Variants in PCDHA13 observed in about 807,000 individuals in gnomAD.
PCDHA13 encodes protocadherin alpha-13.
In PCDHA13, 54 loss-of-function variants were observed where a neutral mutation model predicts 64.8. The observed-to-expected ratio is 0.83, with a 90% CI of 0.67 to 1.04. The LOEUF (loss-of-function observed/expected upper bound fraction) is 1.04. PCDHA13 is among the 50% of genes least tolerant of loss of function. The pLI, the probability that PCDHA13 is intolerant of heterozygous loss-of-function variation, is 0.00. For synonymous variants in PCDHA13, 587 were observed against 564.4 expected (o/e 1.04, Z -0.57); for missense variants, 1,248 against 1,254.3 (o/e 0.99, Z 0.08).
intron 3 of PCDHA13, among the ~76,000 whole-genome samples, chr5:140,999,060 G>A (rs1199782818): frequency 1.3e-5 from 2 of 152,210 alleles, no homozygotes; most frequent in East Asian, 1.9e-4. Context: ...CCATGCCTAA[G>A]TAGTCTCCTT....
intron 1 of PCDHA13, chr5:140,929,343 A>G (rs1204297753): frequency 2.0e-6 from 3 of 1,531,032 alleles, no homozygotes; most frequent in Non-Finnish European, 2.6e-6. Context: ...AATTTTATGG[A>G]ATTTGATTCC....
intron 1 of PCDHA13, among the ~76,000 whole-genome samples, chr5:140,922,126 G>A (rs1206223275): frequency 1.3e-5 from 2 of 151,970 alleles, no homozygotes; most frequent in Non-Finnish European, 2.9e-5. Flanking sequence ...ACCTTTAAAT[G>A]TCTCTTATCC....
At chr5:140,967,056 G>C in intron 1 of PCDHA13, 1 of 1,612,712 alleles carries the variant, frequency 6.2e-7, no homozygotes, top group Non-Finnish European at 8.5e-7. Flanking sequence ...CTGACGAGTG[G>C]AGCGCTCTTC....
At chr5:140,983,272 G>A (rs2097037556) in intron 3 of PCDHA13, among the ~76,000 whole-genome samples, 1 of 152,176 alleles carries the variant, frequency 6.6e-6, no homozygotes, top group African/African-American at 2.4e-5. Context: ...TAATGGCTGG[G>A]TGAGTATAGG....
In PCDHA13 at chr5:140,935,562, C is replaced by T. The variant is rs180759633; in HGVS notation, c.2395-43387C>T. Among the ~76,000 whole-genome samples, 423 of 152,262 alleles carry T rather than the reference C, an allele frequency of 2.8e-3. 2 individuals carry two copies. The highest frequency in any genetic ancestry group is 0.014 in the Middle Eastern group (4 of 294). On this transcript the variant is annotated intron_variant, in intron 1 of 3. Transcript: ENST00000289272. Reference sequence around the variant, plus strand: ...TGTTTTAAAGTATCTTGGAAAAGTTCCTCTCTGTGTAGTTAAGCCACCAGC... The same window carrying T: ...TGTTTTAAAGTATCTTGGAAAAGTTTCTCTCTGTGTAGTTAAGCCACCAGC...
intron 1 of PCDHA13, among the ~76,000 whole-genome samples, chr5:140,916,590 G>A (rs1022726274): frequency 2.0e-5 from 3 of 152,182 alleles, no homozygotes; most frequent in Non-Finnish European, 4.4e-5. Flanking sequence ...CCATGAGCTA[G>A]GGCCTGGAAT....
intron 1 of PCDHA13, among the ~76,000 whole-genome samples, chr5:140,941,202 C>CTTTCCTTCTTT (rs1554213921): frequency 8.1e-6 from 1 of 122,742 alleles, no homozygotes; most frequent in Non-Finnish European, 1.8e-5. Flanking sequence ...TTTCTTTCTT[C>CTTTCCTTCTTT]CTTTCTTTCT....
chr5:141,001,478 A>G, intron 3 of PCDHA13, among the ~76,000 whole-genome samples: 1 of 152,236 alleles, frequency 6.6e-6, no homozygotes, highest in Non-Finnish European at 1.5e-5. Context: ...GCAGCGGGGA[A>G]GTGCTGGAAA....
intron 2 of PCDHA13, among the ~76,000 whole-genome samples, chr5:140,980,472 A>G (rs782408123): frequency 6.6e-6 from 1 of 152,210 alleles, no homozygotes; most frequent in Non-Finnish European, 1.5e-5. Context: ...TCTACTAAAA[A>G]TACAAAAATT....
intron 1 of PCDHA13, chr5:140,966,278 T>TGG (rs1173319352): frequency 3.6e-5 from 13 of 363,192 alleles, no homozygotes; most frequent in Admixed American, 2.8e-4. Context: ...AACTGGACAG[T>TGG]GGGGGTAGGG....
intron 1 of PCDHA13, chr5:140,926,987 G>T: frequency 6.2e-7 from 1 of 1,610,996 alleles, no homozygotes; most frequent in African/African-American, 1.3e-5. Context: ...GAGACGGAGC[G>T]GGGCGTAGCC....
At chr5:140,989,373 C>A (rs1189877807) in intron 3 of PCDHA13, among the ~76,000 whole-genome samples, 1 of 152,088 alleles carries the variant, frequency 6.6e-6, no homozygotes, top group Non-Finnish European at 1.5e-5. Context: ...TGACTGAGAG[C>A]TTTGTGGGAA....
chr5:140,951,321 A>AT (rs2094571430), intron 1 of PCDHA13, among the ~76,000 whole-genome samples: 1 of 152,098 alleles, frequency 6.6e-6, no homozygotes, highest in Non-Finnish European at 1.5e-5. Context: ...TATTCTTGAG[A>AT]TTCATCATTC....
intron 1 of PCDHA13, among the ~76,000 whole-genome samples, chr5:140,956,920 T>C (rs2095320734): frequency 1.3e-5 from 2 of 152,120 alleles, no homozygotes; most frequent in Non-Finnish European, 2.9e-5. Flanking sequence ...ACTTTAATCT[T>C]GCTGGATATA....
Position 140,884,138 on chromosome 5 carries a change from G to C in PCDHA13, c.1870G>C (p.Val624Leu), listed in dbSNP as rs782798249. 2 of 1,613,410 alleles carry C rather than the reference G, an allele frequency of 1.2e-6. No individual in the cohort carries two copies. Among genetic ancestry groups the C allele is most frequent in the Non-Finnish European group, 1.7e-6 (2 of 1,179,728 alleles). ...GGTCGGCGCGCGCATCCCGTTCCGC[G>C]TGGGGCTGTACACTGGCGAGATCAG... Reference protein sequence around the residue: ...AAVGARIPFRVGLYTGEISTT... With the variant: ...AAVGARIPFRLGLYTGEISTT... The change falls in exon 1 of 4, where the codon GTG (valine) becomes CTG (leucine). Residue 624 changes from valine (V) to leucine (L), a missense_variant. Coordinates refer to ENST00000289272, the MANE Select transcript of PCDHA13 (RefSeq NM_018904.3).
At chr5:140,966,617 A>G (rs1169791623) in intron 1 of PCDHA13, 8 of 785,216 alleles carry the variant, frequency 1.0e-5, no homozygotes, top group African/African-American at 1.8e-5. Flanking sequence ...GGGCCTACGG[A>G]GGGAGCGGCC....
intron 1 of PCDHA13, among the ~76,000 whole-genome samples, chr5:140,890,239 C>G (rs1398307605): frequency 6.6e-6 from 1 of 151,982 alleles, no homozygotes; most frequent in African/African-American, 2.4e-5. Context: ...AAGCATTTAC[C>G]AGTACACTAC....
intron 3 of PCDHA13, among the ~76,000 whole-genome samples, chr5:141,001,598 G>C (rs2098027263): frequency 6.6e-6 from 1 of 152,088 alleles, no homozygotes; most frequent in South Asian, 2.1e-4. Flanking sequence ...ACTCAGATTA[G>C]GTTTGCCCAA....
chr5:140,897,964 T>A (rs1554187709), intron 1 of PCDHA13, among the ~76,000 whole-genome samples: 1 of 152,236 alleles, frequency 6.6e-6, no homozygotes, highest in South Asian at 2.1e-4. Flanking sequence ...TTTTCATGTG[T>A]CTTTTGGCTG....
Sources: allele counts gnomAD v4.1 joint callset (sites outside exome capture counted in the v4.1 genomes callset), GRCh38; gene constraint gnomAD v4.1.1; transcripts MANE v1.5; gene names NCBI Gene and HGNC (gene_info 2026-07-23, HGNC 2026-07-21).